Variants in NPRL3 observed in about 807,000 individuals in gnomAD.
The protein encoded by NPRL3 is NPR3 like, GATOR1 complex subunit.
A neutral mutation model predicts 57.2 loss-of-function variants in NPRL3; 23 were observed. The observed-to-expected ratio is 0.40, with a 90% CI of 0.29 to 0.57. NPRL3 has a LOEUF of 0.57. Among genes scored for constraint, NPRL3 ranks in the 20% least tolerant of loss-of-function variants. The probability of loss-of-function intolerance (pLI) is 0.42; values close to 1 mark genes in which losing one functional copy is unlikely to be tolerated. For missense variants in NPRL3, 691 were observed against 767.1 expected (o/e 0.90, Z 1.17); for synonymous variants, 333 against 321.1 (o/e 1.04, Z -0.39).
intron 2 of NPRL3, among the ~76,000 whole-genome samples, chr16:131,628 A>G (rs932226989): frequency 4.6e-5 from 7 of 151,114 alleles, no homozygotes; most frequent in Admixed American, 4.6e-4. Flanking sequence ...AACGCTAACA[A>G]TCAGCTCAGC....
At chr16:111,106 A>C (rs931528344) in intron 6 of NPRL3, among the ~76,000 whole-genome samples, 1 of 152,100 alleles carries the variant, frequency 6.6e-6, no homozygotes, top group African/African-American at 2.4e-5. Flanking sequence ...CATATTATAA[A>C]TTTTGACAGG....
chr16:113,440 A>G (rs577336686), intron 5 of NPRL3, among the ~76,000 whole-genome samples: 1 of 152,350 alleles, frequency 6.6e-6, no homozygotes, highest in Admixed American at 6.5e-5. Flanking sequence ...TTCTGCAACC[A>G]TGATGACTGG....
chr16:88,581 C>T (rs540719599), intron 13 of NPRL3, 117 bp downstream of exon 13: 55 of 939,766 alleles, frequency 5.9e-5, no homozygotes, highest in South Asian at 1.1e-4. Flanking sequence ...GACTCCATCT[C>T]GAACAGGGCC....
Position 92,595 on chromosome 16 carries a change from C to T in NPRL3, c.1161+1G>A. 1 of 1,612,972 alleles carries T rather than the reference C, an allele frequency of 6.2e-7. No homozygotes were observed. Among genetic ancestry groups the T allele is most frequent in the Non-Finnish European group, 8.5e-7 (1 of 1,179,526 alleles). On this transcript the variant is annotated splice_donor_variant, in intron 11 of 13. Transcript: ENST00000611875. LOFTEE classifies it high-confidence loss of function. The stretch of plus-strand genomic sequence containing the variant: ...GGGCTCCTTGAGCTTCTGTGACTCA[C>T]CTCCTGCACAGCGGGGGCCAGGGGA...
At chr16:106,621 C>A (rs1410043405) in intron 7 of NPRL3, among the ~76,000 whole-genome samples, 2 of 119,598 alleles carry the variant, frequency 1.7e-5, no homozygotes, top group African/African-American at 6.3e-5. Context: ...TGAGACCCTG[C>A]CTTAAATTAA....
intron 7 of NPRL3, among the ~76,000 whole-genome samples, chr16:100,968 C>T (rs1436876152): frequency 9.6e-4 from 2 of 2,084 alleles, no homozygotes; most frequent in South Asian, 9.3e-3. Context: ...AAGACTCTGT[C>T]TCAAAAAAAA....
Position 88,917 on chromosome 16 carries a change from C to G in NPRL3, c.1352-27G>C, listed in dbSNP as rs1190181015. Reference sequence around the variant, plus strand: ...TGTGGGGGACATGGGTCAGGGTGACCAAGTGGAATTCCAGGACACCCAGGG... The same window carrying G: ...TGTGGGGGACATGGGTCAGGGTGACGAAGTGGAATTCCAGGACACCCAGGG... On this transcript the variant is annotated intron_variant, in intron 12 of 13. Transcript: ENST00000611875. 3 of 1,594,146 alleles carry G rather than the reference C, an allele frequency of 1.9e-6. No homozygotes were observed. The African/African-American group carries it at 4.0e-5, about 21-fold the overall frequency.
At chr16:95,455 A>C (rs1410962084) in intron 9 of NPRL3, among the ~76,000 whole-genome samples, 1 of 151,532 alleles carries the variant, frequency 6.6e-6, no homozygotes, top group Non-Finnish European at 1.5e-5. Context: ...GGACTGTGGG[A>C]ACTTTCTGTG....
chr16:125,344 A>G (rs1900470664), intron 3 of NPRL3, among the ~76,000 whole-genome samples: 1 of 152,168 alleles, frequency 6.6e-6, no homozygotes, highest in Non-Finnish European at 1.5e-5. Context: ...CTGAAGCCTG[A>G]CTGTAAGCTC....
chr16:112,931 G>C (rs958555157), intron 5 of NPRL3, among the ~76,000 whole-genome samples, 156 bp from the exon 6 acceptor site: 2 of 152,306 alleles, frequency 1.3e-5, no homozygotes, highest in East Asian at 3.9e-4. Flanking sequence ...AGAGGCCACT[G>C]CTGCTCATTT....
At chr16:137,127 G>A (rs1191709542) in intron 2 of NPRL3, among the ~76,000 whole-genome samples, 1 of 151,622 alleles carries the variant, frequency 6.6e-6, no homozygotes, top group African/African-American at 2.4e-5. Flanking sequence ...GGCTGAGGCA[G>A]GAGAATCCCT....
intron 2 of NPRL3, among the ~76,000 whole-genome samples, chr16:132,830 C>T (rs1378902557): frequency 6.6e-6 from 1 of 152,090 alleles, no homozygotes; most frequent in Admixed American, 6.5e-5. Flanking sequence ...CCACTATGCC[C>T]GGCTAATTTT....
At chr16:134,386 G>T (rs1430133542) in intron 2 of NPRL3, among the ~76,000 whole-genome samples, 2 of 152,074 alleles carry the variant, frequency 1.3e-5, no homozygotes, top group Non-Finnish European at 2.9e-5. Context: ...ACCTAGTGAT[G>T]AATCTAAGAA....
chr16:95,350 TACACACACACACAC>T (rs142854412), intron 9 of NPRL3, among the ~76,000 whole-genome samples: 19 of 110,984 alleles, frequency 1.7e-4, no homozygotes, highest in East Asian at 5.0e-4. Flanking sequence ...TATATATATA[TACACACACACACAC>T]ACACACACAC....
intron 11 of NPRL3, among the ~76,000 whole-genome samples, chr16:92,279 T>C (rs1273621175): frequency 6.6e-6 from 1 of 152,154 alleles, no homozygotes; most frequent in Non-Finnish European, 1.5e-5. Flanking sequence ...AAGGCAGGTC[T>C]GTAGGCCCAG....
intron 2 of NPRL3, among the ~76,000 whole-genome samples, chr16:132,698 C>T (rs1162465508): frequency 2.1e-5 from 3 of 141,750 alleles, no homozygotes; most frequent in Non-Finnish European, 3.0e-5. Context: ...GAGACGGAGT[C>T]TCGCTCTGTC....
chr16:127,722 T>C (rs1900592940), intron 3 of NPRL3, among the ~76,000 whole-genome samples: 1 of 151,632 alleles, frequency 6.6e-6, no homozygotes, highest in East Asian at 1.9e-4. Context: ...TGGCACAATC[T>C]TGGCTCACTG....
chr16:122,460 G>A (rs1353055993), intron 3 of NPRL3, among the ~76,000 whole-genome samples: 1 of 152,228 alleles, frequency 6.6e-6, no homozygotes, highest in Non-Finnish European at 1.5e-5. Flanking sequence ...TTATATTCAT[G>A]AGATTGGGGG....
At position 110,603 on chromosome 16, in the gene NPRL3, T is replaced by A; in HGVS notation, c.551A>T (p.Asn184Ile). The A allele has an allele frequency of 6.2e-7, 1 of 1,607,750 alleles. No homozygotes were observed. Among genetic ancestry groups the A allele is most frequent in the Admixed American group, 1.7e-5 (1 of 59,182 alleles). Reference protein sequence around the residue: ...QDEVSAMADGNEGPQSPFHHI... With the variant: ...QDEVSAMADGIEGPQSPFHHI... The stretch of plus-strand genomic sequence containing the variant: ...ATGGAATGGGGACTGAGGACCTTCA[T>A]TTCCTACAAGAATCACAACACAAGA... The change falls in exon 7 of 14, where the codon AAT becomes ATT. Residue 184 changes from asparagine to isoleucine, a missense_variant. Asn to Ile is a moderately radical substitution (Grantham distance 149, BLOSUM62 -3). Transcript: ENST00000611875.
Sources: allele counts gnomAD v4.1 joint callset (sites outside exome capture counted in the v4.1 genomes callset), GRCh38; gene constraint gnomAD v4.1.1; transcripts MANE v1.5; gene names NCBI Gene and HGNC (gene_info 2026-07-23, HGNC 2026-07-21).